SYT16: variants seen among roughly 807,000 people sequenced by gnomAD.
SYT16 encodes the protein synaptotagmin-16.
Under a neutral mutation model 61.4 loss-of-function variants are expected in SYT16, and 42 were observed. The observed-to-expected ratio is 0.68, with a 90% CI of 0.53 to 0.89. SYT16 has a LOEUF of 0.89. Among genes scored for constraint, SYT16 ranks in the 40% least tolerant of loss-of-function variants. The pLI, the probability that SYT16 is intolerant of heterozygous loss-of-function variation, is 0.00. For synonymous variants in SYT16, 314 were observed against 302.3 expected (o/e 1.04, Z -0.40); for missense variants, 804 against 807.3 (o/e 1.00, Z 0.05).
At chr14:61,819,743 G>T (rs1373101723) in intron 1 of SYT16, among the ~76,000 whole-genome samples, 1 of 152,190 alleles carries the variant, frequency 6.6e-6, no homozygotes, top group Non-Finnish European at 1.5e-5. Context: ...ACTGAGTGTG[G>T]TATGGTGGAA....
At chr14:62,013,804 AAG>A (rs1195418454) in intron 3 of SYT16, among the ~76,000 whole-genome samples, 1 of 152,102 alleles carries the variant, frequency 6.6e-6, no homozygotes, top group Non-Finnish European at 1.5e-5. Flanking sequence ...TCTCTACAAA[AAG>A]CAAAAAAATT....
At chr14:61,936,382 T>A (rs2049981421) in intron 1 of SYT16, among the ~76,000 whole-genome samples, 1 of 152,184 alleles carries the variant, frequency 6.6e-6, no homozygotes, top group South Asian at 2.1e-4. Context: ...TAGATCATTT[T>A]AAATTTGTTC....
chr14:61,820,469 G>GGTTTTTTTTTTTTTTTT (rs2045578027), intron 1 of SYT16, among the ~76,000 whole-genome samples: 1 of 61,082 alleles, frequency 1.6e-5, no homozygotes, highest in African/African-American at 6.9e-5. Flanking sequence ...CCTCTTCAGA[G>GGTTTTTTTTTTTTTTTT]TTTTTTTTTT....
intron 3 of SYT16, among the ~76,000 whole-genome samples, chr14:62,059,999 C>G (rs941726832): frequency 6.6e-6 from 1 of 152,014 alleles, no homozygotes; most frequent in African/African-American, 2.4e-5. Flanking sequence ...TTGCCAATAG[C>G]AAGTTGTCTT....
chr14:61,970,803 A>G (rs530218647), intron 2 of SYT16, among the ~76,000 whole-genome samples: 21 of 152,306 alleles, frequency 1.4e-4, no homozygotes, highest in African/African-American at 4.8e-4. Context: ...CTCTTAAAGG[A>G]CATATTCTAT....
intron 1 of SYT16, among the ~76,000 whole-genome samples, chr14:61,824,299 G>T (rs2045704931): frequency 6.6e-6 from 1 of 152,010 alleles, no homozygotes; most frequent in African/African-American, 2.4e-5. Flanking sequence ...CCTCAATTTT[G>T]TTTTCTATTG....
chr14:61,921,590 G>T (rs936565686), intron 1 of SYT16, among the ~76,000 whole-genome samples: 2 of 152,170 alleles, frequency 1.3e-5, no homozygotes, highest in Non-Finnish European at 2.9e-5. Flanking sequence ...CATATTGACT[G>T]GTGTCACCTG....
intron 1 of SYT16, among the ~76,000 whole-genome samples, chr14:61,962,976 C>A (rs1317902338): frequency 6.6e-6 from 1 of 152,034 alleles, no homozygotes; most frequent in Non-Finnish European, 1.5e-5. Context: ...ATGTATTTGT[C>A]AAGCAGTTTA....
At chr14:61,900,902 G>C (rs1407555353) in intron 1 of SYT16, among the ~76,000 whole-genome samples, 1 of 152,194 alleles carries the variant, frequency 6.6e-6, no homozygotes, top group Non-Finnish European at 1.5e-5. Flanking sequence ...GGTGTGTGGG[G>C]CTTCTTACCA....
At chr14:62,014,198 A>T (rs1037198416) in intron 3 of SYT16, among the ~76,000 whole-genome samples, 2 of 152,114 alleles carry the variant, frequency 1.3e-5, no homozygotes, top group Admixed American at 1.3e-4. Context: ...CACAGATCCA[A>T]CTGCCTTCAC....
At chr14:61,999,800 TCTTTA>T (rs1475797460) in intron 3 of SYT16, among the ~76,000 whole-genome samples, 4 of 151,952 alleles carry the variant, frequency 2.6e-5, no homozygotes, top group South Asian at 2.1e-4. Context: ...TTGTTACTCC[TCTTTA>T]CTTAATTGGT....
chr14:62,070,022 G>A (rs1164678253), intron 4 of SYT16, among the ~76,000 whole-genome samples: 1 of 152,228 alleles, frequency 6.6e-6, no homozygotes, highest in Admixed American at 6.5e-5. Flanking sequence ...TGGATCAGGA[G>A]TGGGTGGGTC....
intron 1 of SYT16, among the ~76,000 whole-genome samples, chr14:61,876,488 TG>T (rs2047499003): frequency 6.6e-6 from 1 of 152,250 alleles, no homozygotes; most frequent in South Asian, 2.1e-4. Context: ...AAATTATCAC[TG>T]CCTTGGTGTA....
chr14:61,917,991 G>A (rs779245281), intron 1 of SYT16, among the ~76,000 whole-genome samples: 6 of 152,114 alleles, frequency 3.9e-5, no homozygotes, highest in Non-Finnish European at 8.8e-5. Context: ...TGATAAGAAA[G>A]CAAGGGTGTG....
intron 3 of SYT16, among the ~76,000 whole-genome samples, chr14:62,068,880 C>G (rs1244841187): frequency 2.6e-5 from 4 of 152,138 alleles, no homozygotes; most frequent in African/African-American, 7.2e-5. Context: ...ACTGCAACCT[C>G]CACTTCCTGG....
chr14:62,073,754 C>T (rs1186798766), intron 4 of SYT16, among the ~76,000 whole-genome samples: 5 of 152,188 alleles, frequency 3.3e-5, no homozygotes, highest in Admixed American at 2.0e-4. Flanking sequence ...GTCATGTACT[C>T]TGGTGAACCC....
intron 1 of SYT16, among the ~76,000 whole-genome samples, chr14:61,845,736 C>G (rs1236524434): frequency 6.6e-6 from 1 of 151,946 alleles, no homozygotes; most frequent in Non-Finnish European, 1.5e-5. Context: ...GTTTGGCTTG[C>G]TCTTGTTCTT....
chr14:62,022,600 CCTT>C (rs2053953131), intron 3 of SYT16, among the ~76,000 whole-genome samples: 1 of 150,994 alleles, frequency 6.6e-6, no homozygotes, highest in Admixed American at 6.6e-5. Context: ...TTCCTTTTCT[CCTT>C]CTATAATTTG....
intron 4 of SYT16, among the ~76,000 whole-genome samples, chr14:62,070,585 T>C (rs2056261129): frequency 6.6e-6 from 1 of 152,180 alleles, no homozygotes; most frequent in African/African-American, 2.4e-5. Context: ...CAAAGTAACC[T>C]GGAGAGAGGG....
Sources: allele counts gnomAD v4.1 joint callset (sites outside exome capture counted in the v4.1 genomes callset), GRCh38; gene constraint gnomAD v4.1.1; transcripts MANE v1.5; gene names NCBI Gene and HGNC (gene_info 2026-07-23, HGNC 2026-07-21).